UBE2E2: variants seen among roughly 807,000 people sequenced by gnomAD.
UBE2E2 encodes ubiquitin-conjugating enzyme E2 E2.
UBE2E2 carries 6 observed loss-of-function variants against 24.7 expected under a neutral mutation model. That is an observed-to-expected ratio of 0.24 (90% CI 0.13 to 0.48). The LOEUF is 0.48. Ranked by LOEUF, UBE2E2 falls within the 20% of genes least tolerant of loss-of-function variation. The pLI is 0.99. For missense variants in UBE2E2, 169 were observed against 245.0 expected (o/e 0.69, Z 2.07); for synonymous variants, 104 against 83.6 (o/e 1.24, Z -1.33).
At chr3:23,300,921 C>T (rs1699063033) in intron 3 of UBE2E2, among the ~76,000 whole-genome samples, 1 of 152,172 alleles carries the variant, frequency 6.6e-6, no homozygotes, top group Admixed American at 6.5e-5. Flanking sequence ...TCAGGTACAC[C>T]AATCAGACGT....
chr3:23,379,542 G>C (rs6802465), intron 3 of UBE2E2, among the ~76,000 whole-genome samples: 7 of 148,430 alleles, frequency 4.7e-5, no homozygotes, highest in Non-Finnish European at 7.4e-5. Flanking sequence ...ATGATTTCCA[G>C]TTTCATCCAT....
At chr3:23,265,837 G>T (rs979842391) in intron 3 of UBE2E2, among the ~76,000 whole-genome samples, 3 of 152,140 alleles carry the variant, frequency 2.0e-5, no homozygotes, top group South Asian at 2.1e-4. Flanking sequence ...CTCCTGTGTT[G>T]GGTGCATATA....
chr3:23,254,481 G>C (rs1042249019), intron 3 of UBE2E2, among the ~76,000 whole-genome samples: 3 of 152,190 alleles, frequency 2.0e-5, no homozygotes, highest in Non-Finnish European at 4.4e-5. Flanking sequence ...CAAGTTCCTA[G>C]AAATACAGAG....
At chr3:23,513,778 T>C (rs1559408030) in intron 4 of UBE2E2, among the ~76,000 whole-genome samples, 1 of 152,222 alleles carries the variant, frequency 6.6e-6, no homozygotes, top group Non-Finnish European at 1.5e-5. Flanking sequence ...TTATAATTGC[T>C]TTCTCTCATT....
intron 3 of UBE2E2, among the ~76,000 whole-genome samples, chr3:23,487,450 G>A (rs1314816088): frequency 1.3e-5 from 2 of 152,212 alleles, no homozygotes; most frequent in Non-Finnish European, 2.9e-5. Context: ...GCCCCTGCCA[G>A]CTTCACAGAG....
chr3:23,559,456 G>A (rs959719575), intron 5 of UBE2E2, among the ~76,000 whole-genome samples: 2 of 151,674 alleles, frequency 1.3e-5, no homozygotes, highest in Admixed American at 6.6e-5. Flanking sequence ...TTTGAACTTC[G>A]TACAAGTGAG....
chr3:23,414,038 A>C (rs1215612102), intron 3 of UBE2E2, among the ~76,000 whole-genome samples: 3 of 152,178 alleles, frequency 2.0e-5, no homozygotes, highest in African/African-American at 7.2e-5. Flanking sequence ...CTCTTAATAC[A>C]TCTGCCTCAT....
chr3:23,408,770 T>C (rs902932046), intron 3 of UBE2E2, among the ~76,000 whole-genome samples: 1 of 152,178 alleles, frequency 6.6e-6, no homozygotes, highest in African/African-American at 2.4e-5. Flanking sequence ...TACTGTAGTT[T>C]AATTTTTGTT....
intron 3 of UBE2E2, among the ~76,000 whole-genome samples, chr3:23,263,297 G>A (rs9870906): frequency 1.4e-3 from 209 of 152,248 alleles, no homozygotes; most frequent in Middle Eastern, 0.01. Context: ...ATGTTTATAT[G>A]TGAGAGCCAT....
chr3:23,295,456 A>G (rs549930499), intron 3 of UBE2E2, among the ~76,000 whole-genome samples: 2 of 152,332 alleles, frequency 1.3e-5, no homozygotes, highest in East Asian at 3.9e-4. Flanking sequence ...CCAGGTGGGT[A>G]CACAATTAAT....
chr3:23,305,169 A>T (rs1699206367), intron 3 of UBE2E2, among the ~76,000 whole-genome samples: 1 of 152,196 alleles, frequency 6.6e-6, no homozygotes, highest in Non-Finnish European at 1.5e-5. Flanking sequence ...CCCATGGGAA[A>T]GTCTTGTTCA....
chr3:23,345,815 C>T (rs1460371396), intron 3 of UBE2E2, among the ~76,000 whole-genome samples: 2 of 152,102 alleles, frequency 1.3e-5, no homozygotes, highest in Non-Finnish European at 2.9e-5. Flanking sequence ...ATGTGAACAA[C>T]ATTTTTATTG....
rs963348631 is a variant in UBE2E2, at chr3:23,516,195, G to T, written c.361-16359G>T. On this transcript the variant is annotated intron_variant, in intron 4 of 5. Coordinates refer to ENST00000396703, the MANE Select transcript of UBE2E2 (RefSeq NM_152653.4). ...TAAGAACAACTTTTTTCCCTCAAAAGATTGTGTGAACAACAAATACAAGCA... is the reference window on the plus strand; with the variant it reads ...TAAGAACAACTTTTTTCCCTCAAAATATTGTGTGAACAACAAATACAAGCA... Among the ~76,000 whole-genome samples the T allele has an allele frequency of 3.9e-5, 6 of 152,214 alleles. No individual in the cohort carries two copies. In the East Asian group the frequency reaches 1.2e-3, roughly 29 times the overall value.
At position 23,368,010 on chromosome 3, in the gene UBE2E2, G is replaced by GAT. The variant is rs1696306349; in HGVS notation, c.228-131596_228-131595dup. On this transcript the variant is annotated intron_variant, in intron 3 of 5. Coordinates refer to ENST00000396703, the MANE Select transcript of UBE2E2 (RefSeq NM_152653.4). ...GTGGTTTTCCGTACACAGAATGGTCGATACACATATAGATATTTGGCTTTG... is the reference window on the plus strand; with the variant it reads ...GTGGTTTTCCGTACACAGAATGGTCGATATACACATATAGATATTTGGCTTTG... 3.3e-5 allele frequency among the ~76,000 whole-genome samples: 5 copies of GAT among 152,128 alleles called. No homozygotes were observed. In the South Asian group the frequency reaches 6.2e-4, roughly 19 times the overall value.
chr3:23,466,045 TATC>T (rs1470157406), intron 3 of UBE2E2, among the ~76,000 whole-genome samples: 1 of 152,192 alleles, frequency 6.6e-6, no homozygotes, highest in East Asian at 1.9e-4. Context: ...CCTATAAAGA[TATC>T]ATCCAAAATG....
intron 3 of UBE2E2, among the ~76,000 whole-genome samples, chr3:23,373,623 A>G (rs1333611702): frequency 6.6e-6 from 1 of 152,212 alleles, no homozygotes; most frequent in Non-Finnish European, 1.5e-5. Context: ...ATTTCTCCAG[A>G]GATGCCTTGC....
At chr3:23,472,660 T>C (rs1009132561) in intron 3 of UBE2E2, among the ~76,000 whole-genome samples, 1 of 151,868 alleles carries the variant, frequency 6.6e-6, no homozygotes, top group African/African-American at 2.4e-5. Flanking sequence ...ACACTTTTTT[T>C]TTTTTTTTGA....
intron 3 of UBE2E2, among the ~76,000 whole-genome samples, chr3:23,402,163 T>C (rs1697243006): frequency 6.6e-6 from 1 of 152,096 alleles, no homozygotes; most frequent in African/African-American, 2.4e-5. Flanking sequence ...CCCAATCTTA[T>C]ATTTGGTTTT....
intron 3 of UBE2E2, among the ~76,000 whole-genome samples, chr3:23,362,980 G>A (rs1242270442): frequency 6.6e-6 from 1 of 152,156 alleles, no homozygotes; most frequent in East Asian, 1.9e-4. Context: ...AGAAGAGATT[G>A]GGGGGTCTAT....
Sources: allele counts gnomAD v4.1 joint callset (sites outside exome capture counted in the v4.1 genomes callset), GRCh38; gene constraint gnomAD v4.1.1; transcripts MANE v1.5; gene names NCBI Gene and HGNC (gene_info 2026-07-23, HGNC 2026-07-21).